RYR2: variants seen among roughly 807,000 people sequenced by gnomAD.
RYR2 encodes ryanodine receptor 2.
In RYR2, 227 loss-of-function variants were observed where a neutral mutation model predicts 601.1. That is an observed-to-expected ratio of 0.38 (90% CI 0.34 to 0.42). The LOEUF (loss-of-function observed/expected upper bound fraction) is 0.42, where lower values mean the gene tolerates loss of function less well. Among genes scored for constraint, RYR2 ranks in the 10% least tolerant of loss-of-function variants. RYR2 has a pLI of 1.00. For missense variants in RYR2, 4,646 were observed against 6,156.5 expected (o/e 0.75, Z 8.21); for synonymous variants, 2,223 against 2,175.1 (o/e 1.02, Z -0.61).
intron 1 of RYR2, among the ~76,000 whole-genome samples, chr1:237,068,000 A>G (rs1272393233): frequency 6.6e-6 from 1 of 151,536 alleles, no homozygotes. Context: ...AGCAGATTCA[A>G]CATTGCATAC....
chr1:237,720,529 C>T (rs1046975256), intron 73 of RYR2, among the ~76,000 whole-genome samples: 5 of 152,176 alleles, frequency 3.3e-5, no homozygotes, highest in Admixed American at 1.3e-4. Flanking sequence ...AGAATTTGAA[C>T]ATTTTTTTAA....
At chr1:237,178,163 G>A (rs1678266837) in intron 1 of RYR2, among the ~76,000 whole-genome samples, 1 of 152,084 alleles carries the variant, frequency 6.6e-6, no homozygotes, top group Admixed American at 6.6e-5. Flanking sequence ...GTTACTGGGT[G>A]TTTATCTTTC....
chr1:237,370,949 C>G (rs902711076), intron 6 of RYR2, among the ~76,000 whole-genome samples: 1 of 152,062 alleles, frequency 6.6e-6, no homozygotes, highest in African/African-American at 2.4e-5. Context: ...CATGAGCCAC[C>G]GCGCCCGGCC....
rs1388964214 is a variant in RYR2 at position 237,325,739 on chromosome 1, T to C, written c.169-5139T>C. On this transcript the variant is annotated intron_variant, in intron 2 of 104. Coordinates refer to ENST00000366574, the MANE Select transcript of RYR2 (RefSeq NM_001035.3). ...AATATATTAAAAAAAGAAAAAGGAC[T>C]GGAAATATGCACACTATAAAGGGAA... 2.6e-5 allele frequency among the ~76,000 whole-genome samples: 4 copies of C among 151,882 alleles called. No homozygotes were observed. In the East Asian group the frequency reaches 5.8e-4, roughly 22 times the overall value.
chr1:237,084,886 C>G (rs1360382436), intron 1 of RYR2, among the ~76,000 whole-genome samples: 1 of 152,260 alleles, frequency 6.6e-6, no homozygotes, highest in African/African-American at 2.4e-5. Context: ...GGGGCCGGCC[C>G]TCTTGTATAC....
chr1:237,211,298 A>T (rs1351459976), intron 1 of RYR2, among the ~76,000 whole-genome samples: 2 of 152,174 alleles, frequency 1.3e-5, no homozygotes, highest in Non-Finnish European at 2.9e-5. Flanking sequence ...ATTTGACTAT[A>T]TGTGTACAAG....
chr1:237,173,345 G>A (rs2148915240), intron 1 of RYR2, among the ~76,000 whole-genome samples: 1 of 152,192 alleles, frequency 6.6e-6, no homozygotes, highest in African/African-American at 2.4e-5. Context: ...GTATGCCTTG[G>A]GCAAATTACT....
rs535545826 is a variant in RYR2, at chr1:237,824,947, C to T, written c.14591-3434C>T. ...GCTATAAAGAGAATACCTAGGAATACAACTTTCAAGGGATGTGAAGGACCT... is the reference window on the plus strand; with the variant it reads ...GCTATAAAGAGAATACCTAGGAATATAACTTTCAAGGGATGTGAAGGACCT... On this transcript the variant is annotated intron_variant, in intron 101 of 104. Transcript: ENST00000366574. 4.0e-4 allele frequency among the ~76,000 whole-genome samples: 61 copies of T among 152,234 alleles called. 2 individuals are homozygous for T. In the South Asian group the frequency reaches 0.012, roughly 29 times the overall value.
intron 29 of RYR2, among the ~76,000 whole-genome samples, chr1:237,589,449 A>T (rs1674903411): frequency 6.6e-6 from 1 of 152,168 alleles, no homozygotes; most frequent in African/African-American, 2.4e-5. Flanking sequence ...ATGAGAGAGT[A>T]CATGCACTCC....
chr1:237,477,663 G>C (rs1319034515), intron 17 of RYR2, among the ~76,000 whole-genome samples: 2 of 152,180 alleles, frequency 1.3e-5, no homozygotes, highest in Non-Finnish European at 2.9e-5. Context: ...TTTCCGTCAA[G>C]TTTAAGTGTC....
chr1:237,143,591 T>C (rs999247431), intron 1 of RYR2, among the ~76,000 whole-genome samples: 1 of 152,138 alleles, frequency 6.6e-6, no homozygotes, highest in African/African-American at 2.4e-5. Context: ...AGAGTTCCAC[T>C]GGAGTCTCCC....
chr1:237,478,322 C>T (rs1454298138), intron 17 of RYR2, among the ~76,000 whole-genome samples: 1 of 152,190 alleles, frequency 6.6e-6, no homozygotes, highest in Admixed American at 6.5e-5. Flanking sequence ...TTGACCAAGT[C>T]GCTTAGCTCC....
chr1:237,530,401 C>T (rs765609780), intron 24 of RYR2, 26 bp from the exon 25 acceptor site: 2 of 1,541,400 alleles, frequency 1.3e-6, no homozygotes, highest in South Asian at 1.2e-5. Context: ...GAAATGATCA[C>T]ACTTATCTCT....
At chr1:237,130,065 T>C (rs1322641838) in intron 1 of RYR2, among the ~76,000 whole-genome samples, 10 of 152,146 alleles carry the variant, frequency 6.6e-5, no homozygotes, top group Non-Finnish European at 1.5e-4. Flanking sequence ...AGTTAATGTA[T>C]GCTTGAGAAT....
chr1:237,736,402 C>G (rs1418444798), intron 79 of RYR2, among the ~76,000 whole-genome samples: 1 of 146,042 alleles, frequency 6.8e-6, no homozygotes, highest in Non-Finnish European at 1.5e-5. Flanking sequence ...CGGAAAGTTG[C>G]AGTGAGCCGT....
At chr1:237,639,314 C>A (rs1439221975) in intron 46 of RYR2, 113 bp downstream of exon 46, 2 of 1,041,986 alleles carry the variant, frequency 1.9e-6, no homozygotes, top group African/African-American at 1.6e-5. Flanking sequence ...CAGAAGATTT[C>A]TCCCTTTGAA....
chr1:237,583,373 G>A (rs1674149544), intron 29 of RYR2, among the ~76,000 whole-genome samples: 1 of 152,096 alleles, frequency 6.6e-6, no homozygotes, highest in African/African-American at 2.4e-5. Flanking sequence ...CTCCCATTTT[G>A]TAGATTGTCC....
intron 2 of RYR2, among the ~76,000 whole-genome samples, chr1:237,277,049 G>T (rs1048052842): frequency 6.6e-6 from 1 of 152,070 alleles, no homozygotes; most frequent in Non-Finnish European, 1.5e-5. Context: ...ATAAACCAAT[G>T]TTGCATTAAA....
intron 6 of RYR2, among the ~76,000 whole-genome samples, chr1:237,372,938 T>G (rs951005339): frequency 2.0e-5 from 3 of 152,200 alleles, no homozygotes; most frequent in African/African-American, 7.2e-5. Context: ...AATTAACACT[T>G]AGTAGAATAA....
Sources: allele counts gnomAD v4.1 joint callset (sites outside exome capture counted in the v4.1 genomes callset), GRCh38; gene constraint gnomAD v4.1.1; transcripts MANE v1.5; gene names NCBI Gene and HGNC (gene_info 2026-07-23, HGNC 2026-07-21).